Variants in GPM6A observed in about 807,000 individuals in gnomAD.
GPM6A encodes the protein neuronal membrane glycoprotein M6-a.
A neutral mutation model predicts 32.1 loss-of-function variants in GPM6A; 7 were observed. That is an observed-to-expected ratio of 0.22 (90% CI 0.12 to 0.41). The LOEUF is 0.41. Ranked by LOEUF, GPM6A falls within the 10% of genes least tolerant of loss-of-function variation. The pLI is 1.00. For missense variants in GPM6A, 235 were observed against 347.2 expected, an observed-to-expected ratio of 0.68 and a Z score of 2.57; for synonymous variants, 130 against 123.4, an observed-to-expected ratio of 1.05 and a Z score of -0.35.
At chr4:175,726,191 G>A (rs1746400755) in intron 1 of GPM6A, among the ~76,000 whole-genome samples, 1 of 151,642 alleles carries the variant, frequency 6.6e-6, no homozygotes, top group Non-Finnish European at 1.5e-5. Context: ...AGTAGAGACG[G>A]GGTTTCACCG....
intron 3 of GPM6A, among the ~76,000 whole-genome samples, chr4:175,662,922 C>T (rs1246054298): frequency 6.6e-6 from 1 of 152,004 alleles, no homozygotes; most frequent in Non-Finnish European, 1.5e-5. Flanking sequence ...TGGAAGCAAA[C>T]ATGGTAGTGA....
chr4:175,637,714 TTTA>T (rs1365126238), intron 6 of GPM6A, among the ~76,000 whole-genome samples: 31 of 4,058 alleles, frequency 7.6e-3, no homozygotes, highest in African/African-American at 0.02. Context: ...ATTATATATA[TTTA>T]TATATAATAT....
At chr4:175,943,808 C>T (rs1386472328) in intron 1 of GPM6A, among the ~76,000 whole-genome samples, 2 of 152,094 alleles carry the variant, frequency 1.3e-5, no homozygotes, top group Non-Finnish European at 2.9e-5. Flanking sequence ...GTTTTCGCAT[C>T]GATGTTCATC....
chr4:175,978,088 G>T (rs1316991671), intron 1 of GPM6A, among the ~76,000 whole-genome samples: 1 of 152,122 alleles, frequency 6.6e-6, no homozygotes, highest in African/African-American at 2.4e-5. Context: ...ATGTGCTATT[G>T]TATTAGCCTG....
At chr4:175,957,032 G>A (rs1433875491) in intron 1 of GPM6A, among the ~76,000 whole-genome samples, 1 of 152,126 alleles carries the variant, frequency 6.6e-6, no homozygotes, top group Non-Finnish European at 1.5e-5. Context: ...GTTCATATAA[G>A]CGTAGGGAAA....
intron 1 of GPM6A, among the ~76,000 whole-genome samples, chr4:175,972,764 TG>T (rs1172542053): frequency 4.6e-5 from 7 of 152,210 alleles, no homozygotes; most frequent in African/African-American, 1.2e-4. Context: ...TCCTTTCCAT[TG>T]TTATGCAAAG....
chr4:175,687,663 T>C (rs1438178800), intron 2 of GPM6A, among the ~76,000 whole-genome samples: 1 of 152,208 alleles, frequency 6.6e-6, no homozygotes, highest in Non-Finnish European at 1.5e-5. Flanking sequence ...TTCAAGATCC[T>C]GATATGAACT....
intron 1 of GPM6A, among the ~76,000 whole-genome samples, chr4:175,740,565 T>A (rs1416829389): frequency 6.6e-6 from 1 of 152,044 alleles, no homozygotes; most frequent in East Asian, 1.9e-4. Flanking sequence ...AAAAATTAAT[T>A]GAATATATCT....
At chr4:175,995,518 G>A (rs2126468217) in intron 1 of GPM6A, among the ~76,000 whole-genome samples, 1 of 152,174 alleles carries the variant, frequency 6.6e-6, no homozygotes, top group East Asian at 1.9e-4. Context: ...AAGTCAGCTT[G>A]AAAGAAAGGC....
At chr4:175,984,023 T>TCACACACACACACA (rs138248018) in intron 1 of GPM6A, among the ~76,000 whole-genome samples, 2 of 150,196 alleles carry the variant, frequency 1.3e-5, no homozygotes, top group African/African-American at 4.9e-5. Context: ...TCTCTCTCTG[T>TCACACACACACACA]CACACACACA....
At chr4:175,821,667 A>ATGCT (rs1182671365) in intron 1 of GPM6A, among the ~76,000 whole-genome samples, 1 of 151,834 alleles carries the variant, frequency 6.6e-6, no homozygotes, top group Non-Finnish European at 1.5e-5. Flanking sequence ...GGAGCTTTGC[A>ATGCT]TATTTTTTTT....
chr4:175,900,622 C>G (rs1007118453), intron 1 of GPM6A, among the ~76,000 whole-genome samples: 1 of 152,044 alleles, frequency 6.6e-6, no homozygotes, highest in African/African-American at 2.4e-5. Context: ...TAGGCAATAA[C>G]AAATGCTGGC....
intron 6 of GPM6A, among the ~76,000 whole-genome samples, chr4:175,637,069 TA>T (rs908905706): frequency 3.6e-4 from 22 of 61,502 alleles, no homozygotes; most frequent in Admixed American, 2.3e-3. Flanking sequence ...ATTTGTAATA[TA>T]AAAATATATA....
At chr4:175,982,762 C>T (rs952703303) in intron 1 of GPM6A, among the ~76,000 whole-genome samples, 6 of 152,078 alleles carry the variant, frequency 3.9e-5, no homozygotes, top group South Asian at 2.1e-4. Context: ...TGAGAATCAA[C>T]CTATAAAACT....
chr4:175,787,369 G>A (rs770918388), intron 1 of GPM6A: 13 of 1,534,922 alleles, frequency 8.5e-6, no homozygotes, highest in Middle Eastern at 1.7e-4. Flanking sequence ...TGATGCTGCC[G>A]GCCGCTGGCT....
intron 1 of GPM6A, among the ~76,000 whole-genome samples, chr4:175,820,500 C>T (rs374317470): frequency 2.2e-4 from 25 of 112,098 alleles, no homozygotes; most frequent in South Asian, 5.8e-4. Context: ...TCTTTTCTTT[C>T]TTTTTTTTTT....
chr4:175,829,848 T>C (rs188399513), intron 1 of GPM6A, among the ~76,000 whole-genome samples: 2 of 151,668 alleles, frequency 1.3e-5, no homozygotes, highest in African/African-American at 2.4e-5. Flanking sequence ...TAAATGCAGG[T>C]TACTAGAAAA....
intron 6 of GPM6A, among the ~76,000 whole-genome samples, chr4:175,637,319 A>T (rs1342986901): frequency 1.1e-4 from 4 of 36,782 alleles, no homozygotes; most frequent in African/African-American, 4.9e-4. Flanking sequence ...TATAATATAA[A>T]ATATATATTA....
At chr4:175,755,973 C>T (rs1732507747) in intron 1 of GPM6A, among the ~76,000 whole-genome samples, 1 of 152,038 alleles carries the variant, frequency 6.6e-6, no homozygotes, top group African/African-American at 2.4e-5. Context: ...AAAAGGCAAG[C>T]TTTGTATTGA....
Sources: gnomAD v4.1 joint callset for allele counts (sites outside exome capture counted in the v4.1 genomes callset) on GRCh38, gnomAD v4.1.1 for gene constraint, MANE v1.5 for transcripts, NCBI Gene and HGNC (gene_info 2026-07-23, HGNC 2026-07-21) for gene names.